RARS2: variants seen among roughly 807,000 people sequenced by gnomAD.
The protein encoded by RARS2 is arginyl-tRNA synthetase 2, mitochondrial, also known as probable arginine--tRNA ligase, mitochondrial.
A neutral mutation model predicts 88.5 loss-of-function variants in RARS2; 67 were observed. That is an observed-to-expected ratio of 0.76 (90% CI 0.62 to 0.93). RARS2 has a LOEUF of 0.93. Among genes scored for constraint, RARS2 ranks in the 40% least tolerant of loss-of-function variants. The pLI, the probability that RARS2 is intolerant of heterozygous loss-of-function variation, is 0.00. For synonymous variants in RARS2, 239 were observed against 230.3 expected (o/e 1.04, Z -0.34); for missense variants, 664 against 684.2 (o/e 0.97, Z 0.33).
rs148097874 is a variant in RARS2 at position 87,546,504 on chromosome 6, T to C, written c.452-805A>G. Among the ~76,000 whole-genome samples, 523 of 152,336 alleles carry C rather than the reference T, an allele frequency of 3.4e-3. 3 individuals are homozygous for C. The highest frequency in any genetic ancestry group is 6.8e-3 in the Middle Eastern group (2 of 294). On this transcript the variant is annotated intron_variant, in intron 6 of 19. Transcript: ENST00000369536. The stretch of plus-strand genomic sequence containing the variant: ...TGAAAGTATATGGGGCTGCCTCTTA[T>C]GCCTGTATGAATTCTAGATGGCATG...
At chr6:87,518,475 AT>A (rs71018027) in intron 16 of RARS2, 154 bp downstream of exon 16, 36,765 of 947,512 alleles carry the variant, frequency 0.039, 13 homozygotes, top group Middle Eastern at 0.048. Flanking sequence ...TGCTCAATAA[AT>A]TTTTTTTTTT....
chr6:87,520,505 TTC>T (rs1773495704), intron 12 of RARS2, among the ~76,000 whole-genome samples: 2 of 152,176 alleles, frequency 1.3e-5, no homozygotes, highest in Admixed American at 6.5e-5. Flanking sequence ...CTTCTGAGTA[TTC>T]TATTTAAGTT....
chr6:87,536,041 C>T (rs1013196657), intron 8 of RARS2, among the ~76,000 whole-genome samples: 2 of 151,912 alleles, frequency 1.3e-5, no homozygotes, highest in Non-Finnish European at 2.9e-5. Flanking sequence ...ATTTTATTGG[C>T]ATGATATTTA....
intron 8 of RARS2, among the ~76,000 whole-genome samples, chr6:87,539,405 A>G (rs35116392): frequency 0.032 from 4,873 of 152,350 alleles, 104 homozygotes; most frequent in Middle Eastern, 0.054. Flanking sequence ...TAAAGAAATC[A>G]ATATACTTTG....
At position 87,586,057 on chromosome 6, in the gene RARS2, A is replaced by G. The variant is rs983355647; in HGVS notation, c.36+3865T>C. Among the ~76,000 whole-genome samples the G allele has an allele frequency of 2.6e-5, 4 of 152,238 alleles. No homozygotes were observed. The South Asian group carries it at 8.3e-4, about 32-fold the overall frequency. ...GTAGAGACTCGTGCAACAAAGAAAG[A>G]TAAGTGATATGATTTGATTCACAAT... On this transcript the variant is annotated intron_variant, in intron 1 of 19. Transcript: ENST00000369536.
chr6:87,542,723 A>G (rs1781388764), intron 7 of RARS2, among the ~76,000 whole-genome samples: 1 of 151,326 alleles, frequency 6.6e-6, no homozygotes, highest in Admixed American at 6.6e-5. Context: ...AATTCCTAGT[A>G]CAGTCTGGGA....
chr6:87,583,730 T>G (rs1263890885), intron 1 of RARS2, among the ~76,000 whole-genome samples: 1 of 152,210 alleles, frequency 6.6e-6, no homozygotes, highest in African/African-American at 2.4e-5. Context: ...TAACTCTACA[T>G]ATAGAATACA....
intron 5 of RARS2, among the ~76,000 whole-genome samples, chr6:87,554,149 T>A (rs1785110022): frequency 6.6e-6 from 1 of 152,220 alleles, no homozygotes; most frequent in Non-Finnish European, 1.5e-5. Flanking sequence ...GCAAGTTCTA[T>A]CTTTCTAAGT....
chr6:87,578,031 C>A (rs145524659), intron 1 of RARS2, among the ~76,000 whole-genome samples: 1 of 151,786 alleles, frequency 6.6e-6, no homozygotes, highest in Non-Finnish European at 1.5e-5. Context: ...GCCTGTAATC[C>A]GAATACTTTG....
intron 13 of RARS2, 53 bp from the exon 14 acceptor site, chr6:87,519,760 A>G: frequency 6.2e-7 from 1 of 1,608,340 alleles, no homozygotes; most frequent in African/African-American, 1.3e-5. Flanking sequence ...CTGCTGCTGA[A>G]AGCATATAAT....
At chr6:87,544,993 TACAC>T (rs1273852713) in intron 7 of RARS2, among the ~76,000 whole-genome samples, 1 of 152,228 alleles carries the variant, frequency 6.6e-6, no homozygotes, top group African/African-American at 2.4e-5. Flanking sequence ...GAGAAAGGTG[TACAC>T]AGTTAGACTT....
chr6:87,514,466 C>T lies in RARS2; in HGVS notation c.1684G>A (p.Val562Ile). ...RLHLFKAVRS[V>I]LANGMKLLGI... is the part of the protein sequence containing the mutation. ...AGAAGTTTCATTCCATTGGCTAGGA[C>T]AGAACGGACAGCTTTGAAAAGATGA... is the stretch of plus-strand genomic sequence containing the variant. Residue 562 changes from valine (V) to isoleucine (I), a missense_variant, in exon 20 of 20, where the codon GTC becomes ATC. Physicochemically the swap from Val to Ile is conservative, Grantham distance 29. Coordinates refer to ENST00000369536, the MANE Select transcript of RARS2 (RefSeq NM_020320.5). The T allele has an allele frequency of 6.2e-7, 1 of 1,612,758 alleles. No individual in the cohort carries two copies. Among genetic ancestry groups the T allele is most frequent in the Non-Finnish European group, 8.5e-7 (1 of 1,178,888 alleles).
intron 9 of RARS2, 52 bp downstream of exon 9, chr6:87,530,732 G>A: frequency 6.3e-7 from 1 of 1,583,936 alleles, no homozygotes. Flanking sequence ...GCAGGTAACA[G>A]CCGAGAGCTG....
rs1428008906 is a variant in RARS2 at position 87,530,902 on chromosome 6, C to T, written c.653G>A (p.Ser218Asn). The T allele has an allele frequency of 7.4e-6, 12 of 1,614,166 alleles. No homozygotes were observed. The highest frequency in any genetic ancestry group is 3.3e-5 in the Admixed American group (2 of 60,018). The change falls in exon 9 of 20, where the codon AGT becomes AAT. Residue 218 changes from serine to asparagine, a missense_variant. Transcript: ENST00000369536. ...GAACTCCTGTGCTGCTTTTGCTACA[C>T]TTTTATCATCTGCTGCTTCTTTATT... ...QVNKEAADDK[S>N]VAKAAQEFFQ...
intron 6 of RARS2, among the ~76,000 whole-genome samples, chr6:87,548,215 C>T (rs989807200): frequency 6.6e-6 from 1 of 151,994 alleles, no homozygotes; most frequent in Non-Finnish European, 1.5e-5. Context: ...TGCACTCCAG[C>T]CTAAGTGACA....
Position 87,520,585 on chromosome 6 carries a change from G to A in RARS2, c.1036-329C>T, listed in dbSNP as rs150753082. On this transcript the variant is annotated intron_variant, in intron 12 of 19. Coordinates refer to ENST00000369536, the MANE Select transcript of RARS2 (RefSeq NM_020320.5). ...GCTAAACTCTAAATAAATATTTGAT[G>A]GTAACTTTCTTCTAAGTGGAAAGGA... 1.4e-3 allele frequency among the ~76,000 whole-genome samples: 208 copies of A among 152,194 alleles called. 1 individual carries two copies. Among genetic ancestry groups the A allele is most frequent in the African/African-American group, 4.6e-3 (190 of 41,534 alleles).
intron 12 of RARS2, 72 bp from the exon 13 acceptor site, chr6:87,520,328 T>A: frequency 4.0e-6 from 5 of 1,237,882 alleles, no homozygotes; most frequent in Non-Finnish European, 5.8e-6. Flanking sequence ...TGGACTTGAA[T>A]CAAATTAAGA....
chr6:87,582,527 GGTT>G (rs1352774333), intron 1 of RARS2, among the ~76,000 whole-genome samples: 3 of 152,154 alleles, frequency 2.0e-5, no homozygotes, highest in African/African-American at 7.2e-5. Flanking sequence ...CTACTCTGTA[GGTT>G]GCCTGTTTGC....
chr6:87,570,764 G>A (rs1769422208), intron 1 of RARS2, among the ~76,000 whole-genome samples: 1 of 152,018 alleles, frequency 6.6e-6, no homozygotes, highest in Non-Finnish European at 1.5e-5. Flanking sequence ...TGTTGACCAA[G>A]CTGGCCTCTA....
Sources: gnomAD v4.1 joint callset for allele counts (sites outside exome capture counted in the v4.1 genomes callset) on GRCh38, gnomAD v4.1.1 for gene constraint, MANE v1.5 for transcripts, NCBI Gene and HGNC (gene_info 2026-07-23, HGNC 2026-07-21) for gene names.